Variants in CEP70 observed in about 807,000 individuals in gnomAD.
CEP70 encodes the protein centrosomal protein 70.
In CEP70, 70 loss-of-function variants were observed where a neutral mutation model predicts 90.9. That is an observed-to-expected ratio of 0.77 (90% confidence interval 0.64 to 0.94). The LOEUF (loss-of-function observed/expected upper bound fraction) is 0.94, where lower values mean the gene tolerates loss of function less well. Among genes scored for constraint, CEP70 ranks in the 40% least tolerant of loss-of-function variants. CEP70 has a pLI of 0.00. For synonymous variants in CEP70, 220 were observed against 228.3 expected, an observed-to-expected ratio of 0.96 and a Z score of 0.33; for missense variants, 648 against 669.0, an observed-to-expected ratio of 0.97 and a Z score of 0.35.
intron 7 of CEP70, among the ~76,000 whole-genome samples, chr3:138,533,244 G>A (rs2037978580): frequency 6.7e-6 from 1 of 149,982 alleles, no homozygotes; most frequent in African/African-American, 2.5e-5. Context: ...GCGCACCACT[G>A]CACTACAGCC....
intron 16 of CEP70, among the ~76,000 whole-genome samples, chr3:138,499,164 G>T (rs1456437057): frequency 2.0e-5 from 3 of 152,184 alleles, no homozygotes; most frequent in African/African-American, 7.2e-5. Flanking sequence ...GTCAGATTAT[G>T]TAAGGGTTCT....
chr3:138,564,874 G>C (rs1161427445), intron 6 of CEP70, among the ~76,000 whole-genome samples: 1 of 152,086 alleles, frequency 6.6e-6, no homozygotes, highest in Non-Finnish European at 1.5e-5. Context: ...AAGAAATAAA[G>C]GGTATTCAAA....
At chr3:138,510,918 T>C (rs1010375564) in intron 11 of CEP70, among the ~76,000 whole-genome samples, 2 of 147,768 alleles carry the variant, frequency 1.4e-5, no homozygotes, top group African/African-American at 2.5e-5. Context: ...TGGAGTGCAA[T>C]GGCACGATCT....
intron 2 of CEP70, among the ~76,000 whole-genome samples, chr3:138,573,749 A>G (rs1277365845): frequency 6.6e-6 from 1 of 152,248 alleles, no homozygotes; most frequent in African/African-American, 2.4e-5. Context: ...GAAATATATT[A>G]GCTGAGAGTA....
At chr3:138,564,474 C>T (rs1379003918) in intron 6 of CEP70, among the ~76,000 whole-genome samples, 1 of 152,182 alleles carries the variant, frequency 6.6e-6, no homozygotes, top group East Asian at 1.9e-4. Context: ...CCAAATCCAG[C>T]AGCACATCAA....
At chr3:138,502,319 C>T (rs1223964756) in intron 13 of CEP70, among the ~76,000 whole-genome samples, 1 of 152,110 alleles carries the variant, frequency 6.6e-6, no homozygotes, top group African/African-American at 2.4e-5. Context: ...GGCTACCATA[C>T]TAGACAGCAC....
chr3:138,531,949 T>G (rs1431743296), intron 8 of CEP70, among the ~76,000 whole-genome samples: 1 of 152,212 alleles, frequency 6.6e-6, no homozygotes, highest in Non-Finnish European at 1.5e-5. Flanking sequence ...CTATAAATAA[T>G]AAAAAGATTA....
At chr3:138,497,352 C>A (rs1035247523) in intron 17 of CEP70, 4 of 1,234,308 alleles carry the variant, frequency 3.2e-6, no homozygotes, top group Admixed American at 2.9e-5. Context: ...AAAAATCTTT[C>A]AAATGAGCTA....
intron 4 of CEP70, 40 bp from the exon 5 acceptor site, chr3:138,571,197 A>G: frequency 6.4e-7 from 1 of 1,552,258 alleles, no homozygotes; most frequent in Non-Finnish European, 8.7e-7. Flanking sequence ...GTAAAAATAA[A>G]AGGCAAAAAA....
chr3:138,567,303 A>G (rs761271430), intron 6 of CEP70, among the ~76,000 whole-genome samples: 4 of 152,240 alleles, frequency 2.6e-5, no homozygotes, highest in Non-Finnish European at 5.9e-5. Context: ...TATACCAAAA[A>G]TAGAAGAATG....
At chr3:138,538,422 C>T (rs1239629617) in intron 6 of CEP70, among the ~76,000 whole-genome samples, 1 of 152,128 alleles carries the variant, frequency 6.6e-6, no homozygotes, top group African/African-American at 2.4e-5. Context: ...TGAATGCTTG[C>T]CAGAGCTGTA....
chr3:138,526,388 C>G (rs1022950998), intron 10 of CEP70, among the ~76,000 whole-genome samples: 1 of 151,968 alleles, frequency 6.6e-6, no homozygotes, highest in African/African-American at 2.4e-5. Context: ...GGTTCTCAAA[C>G]TCTTGACCTC....
chr3:138,539,099 A>G (rs2038534079), intron 6 of CEP70, among the ~76,000 whole-genome samples: 1 of 152,134 alleles, frequency 6.6e-6, no homozygotes, highest in Admixed American at 6.5e-5. Flanking sequence ...TGCAACTTCC[A>G]CGTCCTGGGT....
At chr3:138,558,225 C>T (rs769330341) in intron 6 of CEP70, among the ~76,000 whole-genome samples, 1 of 152,012 alleles carries the variant, frequency 6.6e-6, no homozygotes, top group Admixed American at 6.6e-5. Flanking sequence ...ATTAACTGGG[C>T]GTGCTGGTGC....
chr3:138,582,939 G>A (rs1056669729), intron 2 of CEP70, among the ~76,000 whole-genome samples: 2 of 151,694 alleles, frequency 1.3e-5, no homozygotes, highest in Non-Finnish European at 2.9e-5. Context: ...AGGAAAGAAG[G>A]AAAAAAGAAG....
At chr3:138,576,213 T>C (rs2041512728) in intron 2 of CEP70, among the ~76,000 whole-genome samples, 1 of 152,178 alleles carries the variant, frequency 6.6e-6, no homozygotes, top group Middle Eastern at 3.4e-3. Flanking sequence ...ACCCATCTCA[T>C]GTGCAGAGAC....
chr3:138,537,851 T>A (rs983817880), intron 6 of CEP70, among the ~76,000 whole-genome samples: 3 of 151,788 alleles, frequency 2.0e-5, no homozygotes, highest in Admixed American at 1.3e-4. Context: ...TGGCTTCACT[T>A]CCCCCAACAG....
At chr3:138,555,216 T>C in intron 6 of CEP70, among the ~76,000 whole-genome samples, 1 of 140,796 alleles carries the variant, frequency 7.1e-6, no homozygotes, top group East Asian at 2.2e-4. Flanking sequence ...GCCATCGCAC[T>C]CCAGTCTGGG....
intron 6 of CEP70, among the ~76,000 whole-genome samples, chr3:138,546,766 A>T (rs534683238): frequency 8.4e-6 from 1 of 119,282 alleles, no homozygotes; most frequent in East Asian, 5.0e-4. Context: ...ATCAACAAAT[A>T]AAAAAAAACA....
Sources: allele counts gnomAD v4.1 joint callset (sites outside exome capture counted in the v4.1 genomes callset), GRCh38; gene constraint gnomAD v4.1.1; transcripts MANE v1.5; gene names NCBI Gene and HGNC (gene_info 2026-07-23, HGNC 2026-07-21).